Variants in NSD1 observed in about 807,000 individuals in gnomAD.
NSD1 encodes nuclear receptor binding SET domain protein 1, also known as histone-lysine N-methyltransferase, H3 lysine-36 specific.
A neutral mutation model predicts 242.7 loss-of-function variants in NSD1; 26 were observed. The ratio of observed to expected loss-of-function variants is 0.11; its 90% CI spans 0.08 to 0.15. The LOEUF is 0.15. NSD1 is among the 10% of genes least tolerant of loss of function. The probability of loss-of-function intolerance (pLI) is 1.00; values close to 1 mark genes in which losing one functional copy is unlikely to be tolerated. For synonymous variants in NSD1, 1,106 were observed against 1,178.1 expected (o/e 0.94, Z 1.25); for missense variants, 2,495 against 3,272.8 (o/e 0.76, Z 5.80).
At position 177,298,556 on chromosome 5, in the gene NSD1, T is replaced by TA. The variant is rs145155077; in HGVS notation, c.*3098dup. ...TTTTTAAATGTCTGCTTTACCCTGTTACTGAGTTTGAGATGACTTAAATCA... is the reference window on the plus strand; with the variant it reads ...TTTTTAAATGTCTGCTTTACCCTGTTAACTGAGTTTGAGATGACTTAAATCA... On this transcript the variant is annotated 3_prime_UTR_variant, in exon 23 of 23. Transcript: ENST00000439151. The TA allele has an allele frequency of 6.3e-4, 148 of 233,354 alleles. No individual in the cohort carries two copies. The East Asian group carries it at 8.1e-3, about 13-fold the overall frequency. The allele number at this position is 233,354 out of a possible 1,614,324, so 14.5% of individuals were successfully genotyped here.
chr5:177,144,780 A>G (rs1031910857), intron 2 of NSD1, among the ~76,000 whole-genome samples: 1 of 152,024 alleles, frequency 6.6e-6, no homozygotes, highest in Admixed American at 6.6e-5. Flanking sequence ...AACCTTTTTG[A>G]ATTTAGAAAA....
chr5:177,236,647 T>A (rs189338878), intron 6 of NSD1, among the ~76,000 whole-genome samples: 1 of 152,252 alleles, frequency 6.6e-6, no homozygotes, highest in Non-Finnish European at 1.5e-5. Context: ...GTGTAATTGC[T>A]TCCTCATAGG....
chr5:177,235,823 G>A lies in NSD1; in HGVS notation c.3799G>A (p.Val1267Met), dbSNP rs1765396976. 6.2e-7 allele frequency: 1 copy of A among 1,613,966 alleles called. No individual in the cohort carries two copies. Among genetic ancestry groups the A allele is most frequent in the Admixed American group, 1.7e-5 (1 of 59,994 alleles). ...TGAATTTGTTTATCATCTTTTAGCTGTGCGGTCAGAGAAGAAACGCCTTAG... is the reference window on the plus strand; with the variant it reads ...TGAATTTGTTTATCATCTTTTAGCTATGCGGTCAGAGAAGAAACGCCTTAG... ...TPQAELPEPA[V>M]RSEKKRLRKP... The change falls in exon 6 of 23, where the codon GTG becomes ATG. Residue 1267 changes from valine (V) to methionine (M), a missense_variant and splice_region_variant. Val to Met is a conservative substitution (Grantham distance 21). Transcript: ENST00000439151.
chr5:177,212,342 G>A, intron 5 of NSD1, 147 bp downstream of exon 5: 1 of 812,252 alleles, frequency 1.2e-6, no homozygotes, highest in Non-Finnish European at 2.0e-6. Context: ...GGAGTTTTAT[G>A]TAGAAAGGTC....
rs191441474 is a variant in NSD1 at position 177,227,694 on chromosome 5, G to T, written c.3797-8127G>T. Among the ~76,000 whole-genome samples the T allele has an allele frequency of 1.9e-3, 293 of 152,216 alleles. 1 individual carries two copies. Among genetic ancestry groups the T allele is most frequent in the African/African-American group, 6.8e-3 (282 of 41,536 alleles). On this transcript the variant is annotated intron_variant, in intron 5 of 22. Transcript: ENST00000439151. ...ACCTCAGGTGATCCCGCTCGCCTTG[G>T]CCTCCCAAAGTGCTGGCATTACAGA...
intron 3 of NSD1, among the ~76,000 whole-genome samples, chr5:177,197,980 T>G (rs1424439199): frequency 6.6e-6 from 1 of 151,924 alleles, no homozygotes; most frequent in Non-Finnish European, 1.5e-5. Flanking sequence ...TTCAGAAGGA[T>G]TTTTATTTTT....
intron 17 of NSD1, among the ~76,000 whole-genome samples, chr5:177,274,609 G>A (rs1434377603): frequency 1.3e-5 from 2 of 151,968 alleles, no homozygotes; most frequent in Non-Finnish European, 2.9e-5. Flanking sequence ...GGTTGTTCTT[G>A]TAAAACATCT....
chr5:177,165,370 T>C (rs1039469266), intron 2 of NSD1, among the ~76,000 whole-genome samples: 10 of 152,144 alleles, frequency 6.6e-5, no homozygotes, highest in Non-Finnish European at 1.3e-4. Flanking sequence ...GGTTTCACCA[T>C]GTTGGCCCGA....
intron 17 of NSD1, among the ~76,000 whole-genome samples, chr5:177,275,472 C>G (rs572054705): frequency 8.9e-4 from 91 of 102,720 alleles, no homozygotes; most frequent in African/African-American, 3.3e-3. Context: ...GAGATGGAGT[C>G]GCCCAGGATG....
At chr5:177,150,967 A>G (rs1757652293) in intron 2 of NSD1, among the ~76,000 whole-genome samples, 1 of 152,254 alleles carries the variant, frequency 6.6e-6, no homozygotes, top group African/African-American at 2.4e-5. Context: ...GGTAATTTAT[A>G]GTTGTATATA....
At chr5:177,218,870 C>T (rs1283078918) in intron 5 of NSD1, among the ~76,000 whole-genome samples, 1 of 150,764 alleles carries the variant, frequency 6.6e-6, no homozygotes, top group Non-Finnish European at 1.5e-5. Context: ...CGCCCGGCCC[C>T]CCCTTTTTTT....
chr5:177,251,451 A>G (rs1293724054), intron 11 of NSD1, among the ~76,000 whole-genome samples: 1 of 152,082 alleles, frequency 6.6e-6, no homozygotes, highest in Non-Finnish European at 1.5e-5. Context: ...GTTTATCTCT[A>G]TGCTCTTTTC....
chr5:177,260,339 CTTTTTTT>C (rs1174250871), intron 14 of NSD1, among the ~76,000 whole-genome samples, 171 bp downstream of exon 14: 11 of 85,842 alleles, frequency 1.3e-4, no homozygotes, highest in African/African-American at 4.7e-4. Flanking sequence ...CATAGCAGAA[CTTTTTTT>C]TTTTTTTTTT....
chr5:177,219,343 G>A (rs1306305653), intron 5 of NSD1, among the ~76,000 whole-genome samples: 7 of 151,942 alleles, frequency 4.6e-5, no homozygotes, highest in Non-Finnish European at 1.0e-4. Flanking sequence ...CTGCCACCAC[G>A]CCCGGCTAAT....
At chr5:177,209,252 G>A (rs1763134840) in intron 4 of NSD1, among the ~76,000 whole-genome samples, 1 of 151,884 alleles carries the variant, frequency 6.6e-6, no homozygotes, top group South Asian at 2.1e-4. Context: ...TTCAGGCCGG[G>A]TGCGGTGGCT....
chr5:177,293,244 T>C (rs2127278121), intron 22 of NSD1, among the ~76,000 whole-genome samples: 1 of 152,318 alleles, frequency 6.6e-6, no homozygotes, highest in African/African-American at 2.4e-5. Context: ...GGGAGGCAGG[T>C]AAAAGCTTAG....
intron 2 of NSD1, among the ~76,000 whole-genome samples, chr5:177,148,842 G>A (rs544088745): frequency 1.3e-5 from 2 of 151,496 alleles, no homozygotes; most frequent in South Asian, 2.1e-4. Flanking sequence ...TTTTTGAGAC[G>A]GAGTCTCGCC....
At chr5:177,201,743 G>A (rs1762522383) in intron 3 of NSD1, among the ~76,000 whole-genome samples, 1 of 151,444 alleles carries the variant, frequency 6.6e-6, no homozygotes, top group African/African-American at 2.4e-5. Context: ...ATTTTTAGTA[G>A]AGACAGGGCT....
chr5:177,184,208 A>G (rs959793227), intron 2 of NSD1, among the ~76,000 whole-genome samples: 1 of 152,138 alleles, frequency 6.6e-6, no homozygotes, highest in Non-Finnish European at 1.5e-5. Context: ...GAACCTCCAA[A>G]CTGTTGTCTA....
Sources: allele counts gnomAD v4.1 joint callset (sites outside exome capture counted in the v4.1 genomes callset), GRCh38; gene constraint gnomAD v4.1.1; transcripts MANE v1.5; gene names NCBI Gene and HGNC (gene_info 2026-07-23, HGNC 2026-07-21).